Variants in EVI5 observed in about 807,000 individuals in gnomAD.
EVI5 encodes the protein ecotropic viral integration site 5.
EVI5 carries 73 observed loss-of-function variants against 112.0 expected under a neutral mutation model. That is an observed-to-expected ratio of 0.65 (90% CI 0.54 to 0.79). The LOEUF is 0.79. Ranked by LOEUF, EVI5 falls within the 30% of genes least tolerant of loss-of-function variation. The pLI, the probability that EVI5 is intolerant of heterozygous loss-of-function variation, is 0.00. For synonymous variants in EVI5, 305 were observed against 319.9 expected (o/e 0.95, Z 0.50); for missense variants, 900 against 968.8 (o/e 0.93, Z 0.94).
chr1:92,688,133 C>G (rs754100468), intron 9 of EVI5, among the ~76,000 whole-genome samples: 15 of 152,104 alleles, frequency 9.9e-5, no homozygotes, highest in Non-Finnish European at 1.5e-4. Context: ...GGAACCAACC[C>G]AAATGTCCAT....
At position 92,693,913 on chromosome 1, in the gene EVI5, A is replaced by T. The variant is rs558234259; in HGVS notation, c.1000-14T>A. 2.6e-5 allele frequency: 34 copies of T among 1,286,308 alleles called. No homozygotes were observed. The South Asian group carries it at 3.1e-4, about 12-fold the overall frequency. The allele number at this position is 1,286,308 out of a possible 1,614,324, so 79.7% of individuals were successfully genotyped here. A position where few individuals can be genotyped will look rare whatever the true frequency, so the allele number is the denominator to read the frequency against. On this transcript the variant is annotated splice_polypyrimidine_tract_variant and intron_variant, in intron 8 of 19. Coordinates refer to ENST00000684568, the MANE Select transcript of EVI5 (RefSeq NM_001350197.2). The stretch of plus-strand genomic sequence containing the variant: ...CTTTTGAAAGTGCTAAGATACAATT[A>T]AAAAAAAAACATAAGAATGACTTAG...
chr1:92,518,994 T>C (rs1660419809), intron 19 of EVI5, among the ~76,000 whole-genome samples: 1 of 152,204 alleles, frequency 6.6e-6, no homozygotes, highest in Admixed American at 6.5e-5. Context: ...ACTCAAACTA[T>C]CAAATAAATG....
chr1:92,533,661 A>C (rs1663294996), intron 19 of EVI5, among the ~76,000 whole-genome samples: 1 of 152,226 alleles, frequency 6.6e-6, no homozygotes, highest in Admixed American at 6.5e-5. Context: ...CCATCACACA[A>C]GCAGAACCAA....
At chr1:92,757,771 G>A (rs1015291925) in intron 1 of EVI5, among the ~76,000 whole-genome samples, 2 of 151,730 alleles carry the variant, frequency 1.3e-5, no homozygotes, top group African/African-American at 4.8e-5. Flanking sequence ...GCATGGTGGT[G>A]CACGCCTGTA....
upstream of EVI5, among the ~76,000 whole-genome samples, chr1:92,785,466 G>T (rs1685533601): frequency 6.6e-6 from 1 of 152,228 alleles, no homozygotes; most frequent in Non-Finnish European, 1.5e-5. Flanking sequence ...GTGCTGACGC[G>T]CATGCTTCGG....
chr1:92,634,661 AG>A (rs1043895478), intron 14 of EVI5, among the ~76,000 whole-genome samples: 2 of 152,112 alleles, frequency 1.3e-5, no homozygotes, highest in African/African-American at 2.4e-5. Context: ...GGTCGTCTGA[AG>A]CCTTCTTCTC....
Position 92,740,643 on chromosome 1 carries a change from T to C in EVI5, c.-81-4016A>G, listed in dbSNP as rs553337405. Among the ~76,000 whole-genome samples, 11 of 152,316 alleles carry C rather than the reference T, an allele frequency of 7.2e-5. No homozygotes were observed. The East Asian group carries it at 2.1e-3, about 29-fold the overall frequency. The stretch of plus-strand genomic sequence containing the variant: ...ACTTTTACTATGTCAGATATACATA[T>C]GTGTGTATGTGTGTGTCTGTATACA... On this transcript the variant is annotated intron_variant, in intron 1 of 19. Coordinates refer to ENST00000684568, the MANE Select transcript of EVI5 (RefSeq NM_001350197.2).
chr1:92,674,804 G>A (rs1230876320), intron 10 of EVI5, among the ~76,000 whole-genome samples: 5 of 152,022 alleles, frequency 3.3e-5, no homozygotes, highest in Admixed American at 1.3e-4. Context: ...ACTGGGGAGT[G>A]AAGAAAGAGA....
intron 19 of EVI5, among the ~76,000 whole-genome samples, chr1:92,546,473 T>C (rs948495806): frequency 6.6e-6 from 1 of 151,762 alleles, no homozygotes; most frequent in Non-Finnish European, 1.5e-5. Flanking sequence ...CCGAGGCGGG[T>C]GGATCACAAG....
chr1:92,595,278 A>G (rs1264894479), intron 18 of EVI5, among the ~76,000 whole-genome samples: 1 of 151,838 alleles, frequency 6.6e-6, no homozygotes, highest in Non-Finnish European at 1.5e-5. Context: ...ACATGGATGA[A>G]GCTGGAAACC....
rs192798221 is a variant in EVI5 at position 92,581,819 on chromosome 1, A to G, written c.2071-18082T>C. ...GTAAAGGAATCTTTACACAGAAAGT[A>G]CTTAAAACCTGCTACCTGCTCTTAT... On this transcript the variant is annotated intron_variant, in intron 18 of 19. Coordinates refer to ENST00000684568, the MANE Select transcript of EVI5 (RefSeq NM_001350197.2). 5.2e-3 allele frequency among the ~76,000 whole-genome samples: 788 copies of G among 152,208 alleles called. 16 individuals are homozygous for G. The South Asian group carries it at 0.058, about 11-fold the overall frequency.
chr1:92,514,147 ATT>A (rs1659506139), intron 19 of EVI5, among the ~76,000 whole-genome samples, 177 bp from the exon 20 acceptor site: 1 of 151,584 alleles, frequency 6.6e-6, no homozygotes, highest in Non-Finnish European at 1.5e-5. Flanking sequence ...GCTCATAATT[ATT>A]TTTATTTTAT....
chr1:92,640,759 A>G (rs1226000096), intron 13 of EVI5, among the ~76,000 whole-genome samples: 1 of 152,236 alleles, frequency 6.6e-6, no homozygotes, highest in Non-Finnish European at 1.5e-5. Context: ...AAATCATTCT[A>G]CTATAAAGAC....
chr1:92,551,132 T>C (rs1234225615), intron 19 of EVI5, among the ~76,000 whole-genome samples: 2 of 130,048 alleles, frequency 1.5e-5, no homozygotes, highest in African/African-American at 5.7e-5. Context: ...AACCTCAACC[T>C]CCTGGGTCAA....
At chr1:92,552,431 C>T (rs10874711) in intron 19 of EVI5, among the ~76,000 whole-genome samples, 93,231 of 152,010 alleles carry the variant, frequency 0.61, 29,419 homozygotes, top group East Asian at 0.92. Flanking sequence ...GTGCCAACCA[C>T]ATAGTCTTTA....
chr1:92,607,770 C>T, intron 16 of EVI5, 43 bp from the exon 17 acceptor site: 3 of 1,421,468 alleles, frequency 2.1e-6, no homozygotes, highest in South Asian at 1.4e-5. Context: ...AGATACAAGA[C>T]CTAAAAATTA....
At chr1:92,735,631 A>C (rs1677212426) in intron 2 of EVI5, among the ~76,000 whole-genome samples, 1 of 41,944 alleles carries the variant, frequency 2.4e-5, no homozygotes, top group African/African-American at 8.4e-5. Context: ...ATGATATATG[A>C]TATATGTCAT....
At chr1:92,783,808 C>CAAAAA (rs58484805) in intron 1 of EVI5, among the ~76,000 whole-genome samples, 24 of 94,230 alleles carry the variant, frequency 2.5e-4, no homozygotes, top group South Asian at 3.8e-4. Flanking sequence ...GACTCCCTGT[C>CAAAAA]AAAAAAAAAA....
intron 10 of EVI5, among the ~76,000 whole-genome samples, chr1:92,668,646 C>T (rs1387358052): frequency 6.6e-6 from 1 of 152,134 alleles, no homozygotes; most frequent in Non-Finnish European, 1.5e-5. Flanking sequence ...GATTTTCTCC[C>T]ACAAACAACT....
Sources: gnomAD v4.1 joint callset for allele counts (sites outside exome capture counted in the v4.1 genomes callset) on GRCh38, gnomAD v4.1.1 for gene constraint, MANE v1.5 for transcripts, NCBI Gene and HGNC (gene_info 2026-07-23, HGNC 2026-07-21) for gene names.